The following DDX54 variants were observed in gnomAD, a reference collection of about 807,000 sequenced individuals.
DDX54 encodes DEAD-box helicase 54.
DDX54 carries 67 observed loss-of-function variants against 105.5 expected under a neutral mutation model. The ratio of observed to expected loss-of-function variants is 0.64; its 90% CI spans 0.52 to 0.78. DDX54 has a LOEUF of 0.78. Ranked by LOEUF, DDX54 falls within the 30% of genes least tolerant of loss-of-function variation. The pLI, the probability that DDX54 is intolerant of heterozygous loss-of-function variation, is 0.00. For missense variants in DDX54, 1,206 were observed against 1,230.5 expected, an observed-to-expected ratio of 0.98 and a Z score of 0.30; for synonymous variants, 514 against 509.9, an observed-to-expected ratio of 1.01 and a Z score of -0.11.
chr12:113,177,821 C>A (rs1593007511), intron 5 of DDX54, among the ~76,000 whole-genome samples: 1 of 152,192 alleles, frequency 6.6e-6, no homozygotes, highest in African/African-American at 2.4e-5. Flanking sequence ...TCACTTTGCC[C>A]ATCTGTAAAA....
chr12:113,168,383 G>A (rs571959121), intron 12 of DDX54, among the ~76,000 whole-genome samples: 2 of 152,332 alleles, frequency 1.3e-5, no homozygotes, highest in South Asian at 4.2e-4. Context: ...CTCTGGGGGG[G>A]CCTGAATCTC....
In DDX54 at chr12:113,174,569, G is replaced by A; in HGVS notation, c.1068+71C>T. The A allele has an allele frequency of 5.7e-6, 9 of 1,569,604 alleles. No homozygotes were observed. In the South Asian group the frequency reaches 9.3e-5, roughly 16 times the overall value. On this transcript the variant is annotated intron_variant, in intron 10 of 19. Transcript: ENST00000306014. The stretch of plus-strand genomic sequence containing the variant: ...GTCCGCTCTCGTGCTGCCCTCTAGT[G>A]ACTGCACAGGGAACTGCAGCTCCAA...
At position 113,166,051 on chromosome 12, in the gene DDX54, C is replaced by G; in HGVS notation, c.1415-19G>C. 1 of 1,591,910 alleles carries G rather than the reference C, an allele frequency of 6.3e-7. No homozygotes were observed. Among genetic ancestry groups the G allele is most frequent in the Non-Finnish European group, 8.5e-7 (1 of 1,174,306 alleles). On this transcript the variant is annotated intron_variant, in intron 12 of 19. Coordinates refer to ENST00000306014, the MANE Select transcript of DDX54 (RefSeq NM_024072.4). ...GCCACACCTGCACCCCACACAGCAC[C>G]TTGTCAGAGGTCTTTCAGCCTGGCC...
chr12:113,183,740 T>A (rs1281552718), intron 1 of DDX54: 1 of 152,196 alleles, frequency 6.6e-6, no homozygotes, highest in Non-Finnish European at 1.5e-5. Flanking sequence ...GAGGTCTTGG[T>A]CAAGCTGCTT....
At chr12:113,165,568 C>G (rs1033130454) in intron 14 of DDX54, 76 bp downstream of exon 14, 19 of 1,452,326 alleles carry the variant, frequency 1.3e-5, no homozygotes, top group Middle Eastern at 2.4e-4. Context: ...CTGTGTGACC[C>G]CAGGCCACAG....
chr12:113,165,512 G>A (rs1952260317), intron 14 of DDX54, 132 bp downstream of exon 14: 2 of 945,740 alleles, frequency 2.1e-6, no homozygotes, highest in African/African-American at 3.3e-5. Context: ...CTGGGGTCCT[G>A]CTGGGGGTCA....
chr12:113,184,827 A>T lies in DDX54; in HGVS notation c.174+451T>A, dbSNP rs563040151. Reference sequence around the variant, plus strand: ...AGCAACAGAGCAAGACTCTGTCTCAAAAAAAATTGTTTTAATTCGTTTCCC... The same window carrying T: ...AGCAACAGAGCAAGACTCTGTCTCATAAAAAATTGTTTTAATTCGTTTCCC... On this transcript the variant is annotated intron_variant, in intron 1 of 19. Transcript: ENST00000306014. Among the ~76,000 whole-genome samples, 9 of 152,282 alleles carry T rather than the reference A, an allele frequency of 5.9e-5. No individual in the cohort carries two copies. The South Asian group carries it at 1.9e-3, about 32-fold the overall frequency.
Position 113,185,428 on chromosome 12 carries a change from C to G in DDX54, c.24G>C (p.Ala8=). Residue 8 remains alanine (A), a synonymous_variant, in exon 1 of 20, where the codon GCG becomes GCC. Coordinates refer to ENST00000306014, the MANE Select transcript of DDX54 (RefSeq NM_024072.4). ...TGGCAGCTCGCGACCGAGGTCCAGC[C>G]GCCGGGCCCTTGTCGGCCGCCATTC... is the stretch of plus-strand genomic sequence containing the variant. MAADKGP[A]AGPRSRAAMA... is the part of the protein sequence containing the mutation. The G allele has an allele frequency of 6.6e-7, 1 of 1,520,868 alleles. No individual in the cohort carries two copies. Among genetic ancestry groups the G allele is most frequent in the Non-Finnish European group, 8.8e-7 (1 of 1,137,384 alleles). The allele number at this position is 1,520,868 out of a possible 1,614,324, so 94.2% of individuals were successfully genotyped here.
intron 11 of DDX54, among the ~76,000 whole-genome samples, chr12:113,171,286 A>G (rs923927851): frequency 9.9e-5 from 15 of 152,178 alleles, no homozygotes; most frequent in Non-Finnish European, 2.1e-4. Context: ...TCTGACGGAT[A>G]GAGCTTCAAT....
At chr12:113,180,063 G>C (rs1484266601) in intron 2 of DDX54, 58 bp from the exon 3 acceptor site, 14 of 1,550,168 alleles carry the variant, frequency 9.0e-6, no homozygotes, top group Non-Finnish European at 9.8e-6. Context: ...ACCAACCCCA[G>C]AGAACTTTAC....
chr12:113,182,825 C>G (rs140087581), intron 1 of DDX54, among the ~76,000 whole-genome samples: 2,617 of 151,660 alleles, frequency 0.017, 35 homozygotes, highest in Middle Eastern at 0.045. Flanking sequence ...CCAAAGTGCT[C>G]GGATTACAGG....
intron 14 of DDX54, among the ~76,000 whole-genome samples, chr12:113,164,677 G>A (rs1313365299): frequency 1.3e-5 from 2 of 151,576 alleles, no homozygotes. Context: ...TTGCACCACT[G>A]CACCCCAGCC....
intron 11 of DDX54, among the ~76,000 whole-genome samples, chr12:113,171,600 A>AC (rs1491132372): frequency 2.3e-5 from 3 of 129,564 alleles, no homozygotes; most frequent in Admixed American, 2.2e-4. Context: ...CAAGACTCTC[A>AC]AAAAAAAAAA....
In DDX54 at chr12:113,178,961, G is replaced by A. The variant is rs1384882352; in HGVS notation, c.614+16C>T. 1.1e-5 allele frequency: 17 copies of A among 1,613,836 alleles called. No individual in the cohort carries two copies. Among genetic ancestry groups the A allele is most frequent in the Non-Finnish European group, 1.4e-5 (16 of 1,179,832 alleles). ...CTGCATGGTGGTGACCCTGGCATGG[G>A]GTGCAGGGACCTTACCTGTCTCCAC... On this transcript the variant is annotated intron_variant, in intron 5 of 19. Coordinates refer to ENST00000306014, the MANE Select transcript of DDX54 (RefSeq NM_024072.4).
chr12:113,163,997 A>C lies in DDX54; in HGVS notation c.1938+70T>G, dbSNP rs1386790042. The C allele has an allele frequency of 4.0e-6, 6 of 1,483,538 alleles. No individual in the cohort carries two copies. The highest frequency in any genetic ancestry group is 5.4e-6 in the Non-Finnish European group (6 of 1,112,268). 91.9% of individuals were successfully genotyped at this position (1,483,538 alleles called of 1,614,324 possible). ...TGCTCAAAGATCCTAGGACAGCCTC[A>C]TGGGCTGCTGGGACTTAGCCACCCC... On this transcript the variant is annotated intron_variant, in intron 15 of 19. Transcript: ENST00000306014. The surrounding 1 kb of genome is among the most constrained non-coding windows in gnomAD (Gnocchi z 5.9).
chr12:113,164,021 C>G, intron 15 of DDX54, 46 bp downstream of exon 15: 1 of 1,513,062 alleles, frequency 6.6e-7, no homozygotes, highest in South Asian at 1.3e-5. Flanking sequence ...CTTAGCCACC[C>G]CTTCCCCATA....
At chr12:113,182,906 C>T (rs1287459163) in intron 1 of DDX54, among the ~76,000 whole-genome samples, 1 of 143,284 alleles carries the variant, frequency 7.0e-6, no homozygotes, top group Non-Finnish European at 1.5e-5. Flanking sequence ...CAGAGTTTCA[C>T]TCAGTCTCCC....
chr12:113,168,016 C>A, intron 12 of DDX54: 2 of 477,534 alleles, frequency 4.2e-6, no homozygotes, highest in Non-Finnish European at 8.3e-6. Context: ...GCCCTTTAGG[C>A]GCCCCTTCCA....
At position 113,162,996 on chromosome 12, in the gene DDX54, C is replaced by G; in HGVS notation, c.2131G>C (p.Ala711Pro). 6.2e-7 allele frequency: 1 copy of G among 1,609,246 alleles called. No homozygotes were observed. Among genetic ancestry groups the G allele is most frequent in the Non-Finnish European group, 8.5e-7 (1 of 1,179,820 alleles). ...GGAFEQQAAG[A>P]VLDLMGDEAQ... ...TCATCCCCCATCAAGTCCAGGACAG[C>G]GCCAGCTGCCTGCTGCTCAAAGGCT... Residue 711 changes from alanine to proline, a missense_variant, in exon 17 of 20, where the codon GCT (alanine) becomes CCT (proline). This residue lies in a region of DDX54 where 961 missense variants were observed against 1,019.1 expected (regional missense o/e 0.94). Transcript: ENST00000306014.
Sources: gnomAD v4.1 joint callset for allele counts (sites outside exome capture counted in the v4.1 genomes callset) on GRCh38, gnomAD v4.1.1 for gene constraint, gnomAD v4.1.1 regional missense constraint, Gnocchi (gnomAD v3.1) non-coding constraint, MANE v1.5 for transcripts, NCBI Gene and HGNC (gene_info 2026-07-23, HGNC 2026-07-21) for gene names.